SAXO4: variants seen among roughly 807,000 people sequenced by gnomAD.
SAXO4 encodes the protein stabilizer of axonemal microtubules 4.
At chr11:61,490,719 CA>C in the SAXO4 span, 5 of 739,096 alleles carry the variant, frequency 6.8e-6, no homozygotes, top group East Asian at 1.3e-4. Flanking sequence ...GGTGACAGAT[CA>C]GGGGGCCTCT....
At chr11:61,488,432 G>A in the SAXO4 span, among the ~76,000 whole-genome samples, 1 of 151,272 alleles carries the variant, frequency 6.6e-6, no homozygotes, top group Non-Finnish European at 1.5e-5. Context: ...AGCCTCCCGA[G>A]TAGCTGGGAC....
At chr11:61,489,721 G>A in the SAXO4 span, 1 of 1,561,704 alleles carries the variant, frequency 6.4e-7, no homozygotes, top group Non-Finnish European at 8.8e-7. Flanking sequence ...GAGAAGGGCA[G>A]CAGGGGTTGC....
chr11:61,487,277 T>C, the SAXO4 span: 2 of 1,541,314 alleles, frequency 1.3e-6, no homozygotes, highest in Admixed American at 1.7e-5. Context: ...TGAAACCCAT[T>C]TGAGAAACAG....
the SAXO4 span, chr11:61,481,739 GC>G: frequency 1.2e-6 from 1 of 856,864 alleles, no homozygotes. Flanking sequence ...GGGCTTCCGA[GC>G]CAGGCTTGGG....
chr11:61,487,388 G>A, the SAXO4 span: 1 of 697,204 alleles, frequency 1.4e-6, no homozygotes, highest in Non-Finnish European at 2.5e-6. Context: ...AAGGATTGGA[G>A]TGCAAGCATG....
the SAXO4 span, chr11:61,484,913 AAGAAGCC>A: frequency 7.0e-7 from 1 of 1,422,540 alleles, no homozygotes; most frequent in Non-Finnish European, 9.3e-7. Context: ...TGACTCACCC[AAGAAGCC>A]AGCTCAGGGT....
At chr11:61,483,446 G>C in the SAXO4 span, among the ~76,000 whole-genome samples, 1 of 151,680 alleles carries the variant, frequency 6.6e-6, no homozygotes, top group Non-Finnish European at 1.5e-5. Flanking sequence ...GATTACAGGC[G>C]TGAGCCACTG....
the SAXO4 span, among the ~76,000 whole-genome samples, chr11:61,488,301 CTTT>C: frequency 9.3e-6 from 1 of 107,408 alleles, no homozygotes; most frequent in Non-Finnish European, 1.8e-5. Flanking sequence ...AGTACAATTC[CTTT>C]TTTTTTTTTT....
chr11:61,483,164 C>CTTTTTTT, the SAXO4 span, among the ~76,000 whole-genome samples: 102 of 119,348 alleles, frequency 8.5e-4, no homozygotes, highest in Non-Finnish European at 1.1e-3. Context: ...ATTTCTTTTT[C>CTTTTTTT]TTTTTTTTTT....
the SAXO4 span, chr11:61,484,653 C>T: frequency 1.2e-6 from 2 of 1,610,324 alleles, no homozygotes; most frequent in Non-Finnish European, 1.7e-6. Context: ...GTGACTGCCG[C>T]CCCCTCACTT....
the SAXO4 span, chr11:61,482,940 A>G: frequency 1.1e-6 from 1 of 929,696 alleles, no homozygotes; most frequent in South Asian, 1.8e-5. Context: ...GGGTCCACTC[A>G]TCTTTCTCCC....
chr11:61,485,831 GA>G, the SAXO4 span: 1 of 1,614,054 alleles, frequency 6.2e-7, no homozygotes. Flanking sequence ...CGGCGCAAAG[GA>G]GGGGAGTGGC....
the SAXO4 span, chr11:61,484,903 TGACTCACCCAA>T: frequency 6.9e-7 from 1 of 1,453,044 alleles, no homozygotes; most frequent in East Asian, 2.5e-5. Context: ...AGTATTGCAC[TGACTCACCCAA>T]GAAGCCAGCT....
At chr11:61,483,608 C>T in the SAXO4 span, among the ~76,000 whole-genome samples, 3 of 151,698 alleles carry the variant, frequency 2.0e-5, no homozygotes, top group South Asian at 2.1e-4. Flanking sequence ...GGGTGGAGTG[C>T]GGGGTGGGGC....
the SAXO4 span, chr11:61,489,877 C>T: frequency 1.7e-5 from 27 of 1,613,840 alleles, no homozygotes; most frequent in East Asian, 4.5e-5. Flanking sequence ...CTCAGCCAGC[C>T]GGTCAGCTGC....
At chr11:61,484,561 G>A in the SAXO4 span, 3 of 1,231,284 alleles carry the variant, frequency 2.4e-6, no homozygotes, top group Non-Finnish European at 2.3e-6. Context: ...GGACATGCAG[G>A]TTTCATTGTA....
At chr11:61,484,321 T>C in the SAXO4 span, among the ~76,000 whole-genome samples, 1 of 152,142 alleles carries the variant, frequency 6.6e-6, no homozygotes, top group Non-Finnish European at 1.5e-5. Flanking sequence ...GAGCTTGCTA[T>C]GGAGACACTG....
At chr11:61,486,686 G>A in the SAXO4 span, 1 of 1,369,252 alleles carries the variant, frequency 7.3e-7, no homozygotes, top group Non-Finnish European at 1.0e-6. Flanking sequence ...ATTTGGGTCA[G>A]GCATTGAAGA....
At chr11:61,490,084 G>A in the SAXO4 span, 1 of 864,370 alleles carries the variant, frequency 1.2e-6, no homozygotes, top group Non-Finnish European at 1.7e-6. Flanking sequence ...TGGCTCTGGT[G>A]TCCCTTCTCC....
Sources: gnomAD v4.1 joint callset for allele counts (sites outside exome capture counted in the v4.1 genomes callset) on GRCh38, gnomAD v4.1.1 for gene constraint, MANE v1.5 for transcripts, NCBI Gene and HGNC (gene_info 2026-07-23, HGNC 2026-07-21) for gene names.